The following TNFSF4 variants were observed in gnomAD, a reference collection of about 807,000 sequenced individuals.
TNFSF4 encodes the protein tumor necrosis factor ligand superfamily member 4.
In TNFSF4, 4 loss-of-function variants were observed where a neutral mutation model predicts 7.3. The observed-to-expected ratio is 0.55, with a 90% CI of 0.27 to 1.25. TNFSF4 has a LOEUF of 1.25. Ranked by LOEUF, TNFSF4 falls within the 50% of genes most tolerant of loss-of-function variation. The pLI is 0.12. For synonymous variants in TNFSF4, 76 were observed against 83.7 expected, an observed-to-expected ratio of 0.91 and a Z score of 0.50; for missense variants, 181 against 208.8, an observed-to-expected ratio of 0.87 and a Z score of 0.82.
the TNFSF4 span, among the ~76,000 whole-genome samples, chr1:173,383,995 T>A: frequency 6.6e-6 from 1 of 152,238 alleles, no homozygotes; most frequent in South Asian, 2.1e-4. Flanking sequence ...ATGACCATCA[T>A]CATCTTCTTT....
At chr1:173,449,005 A>G in the TNFSF4 span, among the ~76,000 whole-genome samples, 85 of 152,316 alleles carry the variant, frequency 5.6e-4, 2 homozygotes, top group East Asian at 0.014. Flanking sequence ...GTAATCCCCA[A>G]TGTTAGAAGT....
At chr1:173,253,182 G>A in the TNFSF4 span, among the ~76,000 whole-genome samples, 6 of 152,210 alleles carry the variant, frequency 3.9e-5, no homozygotes, top group African/African-American at 1.4e-4. Context: ...TCAGCTATCA[G>A]GCTTTTTTTT....
At chr1:173,313,613 G>A in the TNFSF4 span, among the ~76,000 whole-genome samples, 4 of 151,952 alleles carry the variant, frequency 2.6e-5, no homozygotes, top group South Asian at 4.2e-4. Context: ...ATTTTCTCTC[G>A]GTTTTTCTTC....
At chr1:173,422,171 C>T in the TNFSF4 span, among the ~76,000 whole-genome samples, 3 of 151,992 alleles carry the variant, frequency 2.0e-5, no homozygotes, top group African/African-American at 7.3e-5. Context: ...ATAGTAAGTG[C>T]TCAGTAGATG....
chr1:173,385,096 C>T, the TNFSF4 span, among the ~76,000 whole-genome samples: 1 of 152,036 alleles, frequency 6.6e-6, no homozygotes, highest in Non-Finnish European at 1.5e-5. Context: ...ATGATTTTTC[C>T]CAGGCAGCTA....
the TNFSF4 span, among the ~76,000 whole-genome samples, chr1:173,442,551 GTT>G: frequency 8.4e-6 from 1 of 119,406 alleles, no homozygotes; most frequent in African/African-American, 3.6e-5. Flanking sequence ...TTTTGTTTTT[GTT>G]TTTTTTTTTT....
At chr1:173,328,270 C>T in the TNFSF4 span, among the ~76,000 whole-genome samples, 17 of 148,960 alleles carry the variant, frequency 1.1e-4, no homozygotes, top group African/African-American at 3.2e-4. Context: ...AACCAAACAC[C>T]GCATGTTCTC....
chr1:173,220,060 G>A, the TNFSF4 span, among the ~76,000 whole-genome samples: 1 of 151,478 alleles, frequency 6.6e-6, no homozygotes, highest in Non-Finnish European at 1.5e-5. Flanking sequence ...AAAAAAAATT[G>A]TAAAGACTAA....
At chr1:173,349,781 CTT>C in the TNFSF4 span, among the ~76,000 whole-genome samples, 2 of 152,250 alleles carry the variant, frequency 1.3e-5, no homozygotes, top group African/African-American at 4.8e-5. Flanking sequence ...GCCAAAAACT[CTT>C]TATAGATTTT....
chr1:173,377,076 T>A, the TNFSF4 span, among the ~76,000 whole-genome samples: 4 of 152,036 alleles, frequency 2.6e-5, no homozygotes, highest in Admixed American at 6.5e-5. Flanking sequence ...AGACACACCA[T>A]CTTTAAAAAC....
At chr1:173,345,756 G>C in the TNFSF4 span, among the ~76,000 whole-genome samples, 1 of 152,194 alleles carries the variant, frequency 6.6e-6, no homozygotes, top group Admixed American at 6.5e-5. Flanking sequence ...CTGAAGTTTG[G>C]TTAAGGAGAG....
the TNFSF4 span, among the ~76,000 whole-genome samples, chr1:173,290,529 CAAG>C: frequency 6.6e-6 from 1 of 152,128 alleles, no homozygotes; most frequent in South Asian, 2.1e-4. Flanking sequence ...TTCAATTCAA[CAAG>C]AAGACTTAAC....
the TNFSF4 span, among the ~76,000 whole-genome samples, chr1:173,380,722 A>G: frequency 1.3e-5 from 2 of 152,106 alleles, no homozygotes; most frequent in African/African-American, 4.8e-5. Flanking sequence ...CCAACGGGAA[A>G]ACAGAACACA....
At chr1:173,375,791 A>C in the TNFSF4 span, among the ~76,000 whole-genome samples, 3 of 152,088 alleles carry the variant, frequency 2.0e-5, no homozygotes, top group Non-Finnish European at 4.4e-5. Context: ...CAGCAGCAAC[A>C]CACTCAGGTC....
the TNFSF4 span, among the ~76,000 whole-genome samples, chr1:173,405,158 G>T: frequency 2.0e-5 from 3 of 152,226 alleles, no homozygotes; most frequent in African/African-American, 7.2e-5. Flanking sequence ...ACAGCCAACG[G>T]CAAGTCCCAA....
At chr1:173,407,944 A>T in the TNFSF4 span, among the ~76,000 whole-genome samples, 3 of 152,162 alleles carry the variant, frequency 2.0e-5, no homozygotes, top group Non-Finnish European at 4.4e-5. Context: ...TATGGGACTC[A>T]TGCCCTTATA....
chr1:173,187,200 G>T (rs977722033), intron 2 of TNFSF4, among the ~76,000 whole-genome samples: 6 of 152,188 alleles, frequency 3.9e-5, no homozygotes, highest in African/African-American at 1.2e-4. Flanking sequence ...AGATTCAGGA[G>T]CTGAGAGATT....
chr1:173,349,973 G>A, the TNFSF4 span, among the ~76,000 whole-genome samples: 1 of 152,154 alleles, frequency 6.6e-6, no homozygotes, highest in Non-Finnish European at 1.5e-5. Context: ...TAGGTTAAAT[G>A]TAATCTTCAA....
chr1:173,177,033 C>T, the TNFSF4 span, among the ~76,000 whole-genome samples: 1 of 152,000 alleles, frequency 6.6e-6, no homozygotes, highest in African/African-American at 2.4e-5. Flanking sequence ...GTGCTTATTA[C>T]TTGGGTGATG....
Sources: gnomAD v4.1 joint callset for allele counts (sites outside exome capture counted in the v4.1 genomes callset) on GRCh38, gnomAD v4.1.1 for gene constraint, MANE v1.5 for transcripts, NCBI Gene and HGNC (gene_info 2026-07-23, HGNC 2026-07-21) for gene names.